The following FBXO3 variants were observed in gnomAD, a reference collection of about 807,000 sequenced individuals.
FBXO3 encodes F-box protein 3.
In FBXO3, 17 loss-of-function variants were observed where a neutral mutation model predicts 64.8. The observed-to-expected ratio is 0.26, with a 90% confidence interval of 0.18 to 0.39. FBXO3 has a LOEUF of 0.39. Ranked by LOEUF, FBXO3 falls within the 10% of genes least tolerant of loss-of-function variation. FBXO3 has a pLI of 1.00. For synonymous variants in FBXO3, 182 were observed against 201.6 expected, an observed-to-expected ratio of 0.90 and a Z score of 0.82; for missense variants, 420 against 589.9, an observed-to-expected ratio of 0.71 and a Z score of 2.98.
chr11:33,766,039 T>C lies in FBXO3; in HGVS notation c.358+2812A>G, dbSNP rs192364826. On this transcript the variant is annotated intron_variant, in intron 3 of 10. Transcript: ENST00000265651. ...TGATACACACTGACTGCATGATTTC[T>C]AGCAAGCTATTTCACCTCTTTAATC... Among the ~76,000 whole-genome samples the C allele has an allele frequency of 4.3e-4, 65 of 152,352 alleles. No individual in the cohort carries two copies. In the East Asian group the frequency reaches 0.012, roughly 28 times the overall value.
intron 3 of FBXO3, among the ~76,000 whole-genome samples, chr11:33,766,855 A>G (rs1036592531): frequency 1.3e-5 from 2 of 152,090 alleles, no homozygotes; most frequent in Non-Finnish European, 1.5e-5. Flanking sequence ...CCTTTATCCT[A>G]TTCCAACTCA....
chr11:33,742,974 C>G (rs191712834), intron 10 of FBXO3: 2 of 152,122 alleles, frequency 1.3e-5, no homozygotes, highest in African/African-American at 2.4e-5. Flanking sequence ...GTCTGGTACC[C>G]GCGCAGGATG....
At chr11:33,754,990 C>T (rs1855059234) in intron 5 of FBXO3, among the ~76,000 whole-genome samples, 2 of 151,726 alleles carry the variant, frequency 1.3e-5, no homozygotes, top group Non-Finnish European at 1.5e-5. Flanking sequence ...CTCAGCCTCC[C>T]CAAGTAGCTG....
intron 1 of FBXO3, chr11:33,771,340 A>C (rs1034381182): frequency 6.6e-6 from 1 of 152,286 alleles, no homozygotes; most frequent in Admixed American, 6.5e-5. Flanking sequence ...CAACTACTGG[A>C]AAGTCCACCT....
intron 10 of FBXO3, chr11:33,746,420 G>A (rs77852257): frequency 0.025 from 9,929 of 400,144 alleles, 205 homozygotes; most frequent in Non-Finnish European, 0.036. Flanking sequence ...TTGAAAATGT[G>A]TCAGCTCTGG....
chr11:33,764,273 A>G (rs1200945115), intron 3 of FBXO3, among the ~76,000 whole-genome samples: 4 of 152,238 alleles, frequency 2.6e-5, no homozygotes, highest in South Asian at 2.1e-4. Context: ...CAACTTACAT[A>G]AAGTTCAAAA....
intron 3 of FBXO3, among the ~76,000 whole-genome samples, chr11:33,761,495 A>T (rs1475916144): frequency 1.3e-5 from 2 of 152,202 alleles, no homozygotes; most frequent in Non-Finnish European, 2.9e-5. Flanking sequence ...CAGGTGTTAC[A>T]ATTCTAATTT....
rs61735316 is a variant in FBXO3, at chr11:33,768,978, A to G, written c.231T>C (p.Ser77=). Residue 77 remains serine, a synonymous_variant, in exon 3 of 11, where the codon TCT becomes TCC. Transcript: ENST00000265651. ...CATCAGAGTAAGTATCTATGAAGAG[A>G]GATTTCCAACACTGATTCTTCTGTG... The part of the protein sequence containing the change: ...EKTQKNQCWK[S]LFIDTYSDVG... 4.3e-4 allele frequency: 694 copies of G among 1,613,314 alleles called. 3 individuals carry two copies. In the African/African-American group the frequency reaches 8.4e-3, roughly 20 times the overall value.
rs1357861154 is a variant in FBXO3, at chr11:33,769,994, C to T, written c.194+747G>A. 2.0e-5 allele frequency among the ~76,000 whole-genome samples: 3 copies of T among 151,652 alleles called. 1 individual carries two copies. Among genetic ancestry groups the T allele is most frequent in the Non-Finnish European group, 4.4e-5 (3 of 67,942 alleles). ...GAAAAACTATTCTCCTGTTTTAAGT[C>T]CAACTCCTCAAAGGAAATCTTAGGT... is the stretch of plus-strand genomic sequence containing the variant. On this transcript the variant is annotated intron_variant, in intron 2 of 10. Transcript: ENST00000265651.
chr11:33,752,768 T>G (rs1368937404), intron 6 of FBXO3, among the ~76,000 whole-genome samples: 1 of 149,892 alleles, frequency 6.7e-6, no homozygotes, highest in Non-Finnish European at 1.5e-5. Context: ...ATTTTACGTT[T>G]TTAGCACTAG....
Position 33,747,302 on chromosome 11 carries a change from C to G in FBXO3, c.1067G>C (p.Ser356Thr), listed in dbSNP as rs1213592678. 8.1e-6 allele frequency: 13 copies of G among 1,609,444 alleles called. No individual in the cohort carries two copies. The highest frequency in any genetic ancestry group is 1.1e-5 in the Non-Finnish European group (13 of 1,178,972). Reference sequence around the variant, plus strand: ...TGTGTATTCATATACCCGACCTGGGCTGATGATTGGAAATTCACCTGCAGG... The same window carrying G: ...TGTGTATTCATATACCCGACCTGGGGTGATGATTGGAAATTCACCTGCAGG... Reference protein sequence around the residue: ...PGVVGEFPIISPGRVYEYTSC... With the variant: ...PGVVGEFPIITPGRVYEYTSC... The change falls in exon 10 of 11, where the codon AGC becomes ACC. Residue 356 changes from serine to threonine, a missense_variant. Around this residue, in one of 3 missense-constraint regions of FBXO3, gnomAD observed 337 missense variants for 518.4 expected, o/e 0.65. Coordinates refer to ENST00000265651, the MANE Select transcript of FBXO3 (RefSeq NM_012175.4).
At chr11:33,770,510 T>C (rs1008261261) in intron 2 of FBXO3, among the ~76,000 whole-genome samples, 4 of 152,196 alleles carry the variant, frequency 2.6e-5, no homozygotes, top group African/African-American at 9.7e-5. Context: ...GTTAGGAGCA[T>C]GCAGATAGTC....
chr11:33,756,726 C>T (rs1855105871), intron 4 of FBXO3, among the ~76,000 whole-genome samples: 1 of 152,052 alleles, frequency 6.6e-6, no homozygotes, highest in Admixed American at 6.6e-5. Context: ...TATGTCTGAC[C>T]CATGCCTAGT....
At chr11:33,764,029 A>C (rs1008553529) in intron 3 of FBXO3, among the ~76,000 whole-genome samples, 8 of 152,204 alleles carry the variant, frequency 5.3e-5, no homozygotes, top group African/African-American at 1.9e-4. Flanking sequence ...TCAATGCCAG[A>C]TATTTACCCA....
chr11:33,748,960 AG>A, intron 8 of FBXO3, 68 bp from the exon 9 acceptor site: 1 of 1,055,784 alleles, frequency 9.5e-7, no homozygotes, highest in Non-Finnish European at 1.5e-6. Flanking sequence ...TAAGAGATAC[AG>A]TATTCAGGCT....
intron 3 of FBXO3, among the ~76,000 whole-genome samples, chr11:33,761,972 C>A (rs1855255314): frequency 6.6e-6 from 1 of 152,206 alleles, no homozygotes; most frequent in African/African-American, 2.4e-5. Flanking sequence ...GGGGCCCAGT[C>A]AGGATAATTT....
At position 33,770,821 on chromosome 11, in the gene FBXO3, A is replaced by G. The variant is rs1319514398; in HGVS notation, c.114T>C (p.Tyr38=). Residue 38 remains tyrosine, a synonymous_variant, in exon 2 of 11, where the codon TAT becomes TAC. Transcript: ENST00000265651. The part of the protein sequence containing the change: ...LDYRDLINCC[Y]VSRRLSQLSS... ...ATAGCTGGCTAAGTCTTCGACTGAC[A>G]TAACAACAGCTGGCAGTAACCAGAT... is the stretch of plus-strand genomic sequence containing the variant. The G allele has an allele frequency of 3.7e-6, 6 of 1,603,016 alleles. No individual in the cohort carries two copies. The highest frequency in any genetic ancestry group is 5.1e-6 in the Non-Finnish European group (6 of 1,172,144).
intron 3 of FBXO3, among the ~76,000 whole-genome samples, chr11:33,765,929 C>T (rs963794623): frequency 4.6e-5 from 7 of 152,274 alleles, no homozygotes; most frequent in African/African-American, 1.7e-4. Flanking sequence ...TTTTGTACAG[C>T]CTGCAGAATC....
intron 4 of FBXO3, among the ~76,000 whole-genome samples, 188 bp downstream of exon 4, chr11:33,758,299 A>C (rs990826094): frequency 4.6e-5 from 7 of 152,186 alleles, no homozygotes; most frequent in African/African-American, 1.4e-4. Flanking sequence ...TGTTTTTATG[A>C]GATATATTTA....
Sources: allele counts gnomAD v4.1 joint callset (sites outside exome capture counted in the v4.1 genomes callset), GRCh38; gene constraint gnomAD v4.1.1; regional missense constraint gnomAD v4.1.1; transcripts MANE v1.5; gene names NCBI Gene and HGNC (gene_info 2026-07-23, HGNC 2026-07-21).